The following KRABD5 variants were observed in gnomAD, a reference collection of about 807,000 sequenced individuals.
The protein encoded by KRABD5 is KRAB domain-containing protein 5.
the KRABD5 span, among the ~76,000 whole-genome samples, chr16:31,743,028 G>T: frequency 2.0e-5 from 3 of 152,062 alleles, no homozygotes; most frequent in Admixed American, 1.3e-4. Context: ...TTGTAAATTT[G>T]TTTAAGTTTC....
At chr16:31,754,798 A>C in the KRABD5 span, 1 of 466,974 alleles carries the variant, frequency 2.1e-6, no homozygotes, top group Non-Finnish European at 4.4e-6. Flanking sequence ...AACCTTACAA[A>C]TGTAAAGAAT....
At chr16:31,749,812 G>A in the KRABD5 span, among the ~76,000 whole-genome samples, 1 of 152,174 alleles carries the variant, frequency 6.6e-6, no homozygotes, top group South Asian at 2.1e-4. Context: ...GGTTGCTGGT[G>A]AAAGATTCAC....
chr16:31,716,462 G>A, the KRABD5 span, among the ~76,000 whole-genome samples: 2 of 152,030 alleles, frequency 1.3e-5, no homozygotes, highest in East Asian at 1.9e-4. Context: ...CAGTCTTGAC[G>A]TCCCTGGGCT....
At chr16:31,722,804 A>C in the KRABD5 span, 1 of 1,497,226 alleles carries the variant, frequency 6.7e-7, no homozygotes, top group Admixed American at 2.5e-5. Context: ...TAAGGGTTTT[A>C]TTTCTTTCCT....
the KRABD5 span, chr16:31,754,419 A>G: frequency 1.9e-5 from 12 of 634,678 alleles, no homozygotes; most frequent in Non-Finnish European, 2.8e-5. Flanking sequence ...AGGCAGGACT[A>G]TACCCTAAAT....
At chr16:31,759,513 G>C in the KRABD5 span, 5 of 1,218,884 alleles carry the variant, frequency 4.1e-6, no homozygotes, top group Non-Finnish European at 5.9e-6. Context: ...GTACAGTTAA[G>C]GTTTATGCCT....
the KRABD5 span, among the ~76,000 whole-genome samples, chr16:31,734,858 T>C: frequency 1.3e-5 from 2 of 152,036 alleles, no homozygotes; most frequent in Non-Finnish European, 2.9e-5. Context: ...GGTATTCTCC[T>C]GCCTCAGCCT....
chr16:31,734,133 A>G, the KRABD5 span, among the ~76,000 whole-genome samples: 6 of 151,878 alleles, frequency 4.0e-5, no homozygotes, highest in African/African-American at 9.7e-5. Context: ...AATTATATAT[A>G]TGTGTGTGTG....
chr16:31,718,217 G>C, the KRABD5 span, among the ~76,000 whole-genome samples: 10 of 152,106 alleles, frequency 6.6e-5, no homozygotes, highest in Non-Finnish European at 7.3e-5. Flanking sequence ...GGATGTGTGA[G>C]AGCAGAATTC....
the KRABD5 span, chr16:31,759,427 GA>G: frequency 6.5e-7 from 1 of 1,532,244 alleles, no homozygotes; most frequent in African/African-American, 1.4e-5. Flanking sequence ...AAAGACAAGT[GA>G]ATTTTCTGAG....
the KRABD5 span, among the ~76,000 whole-genome samples, chr16:31,718,533 G>A: frequency 6.6e-6 from 1 of 152,214 alleles, no homozygotes; most frequent in South Asian, 2.1e-4. Context: ...GGCAGAATCT[G>A]TAAGTGTAAA....
chr16:31,750,133 A>T, the KRABD5 span, among the ~76,000 whole-genome samples: 3 of 152,068 alleles, frequency 2.0e-5, no homozygotes. Context: ...TTTGGGCAGT[A>T]TGGCCATTTT....
At chr16:31,731,917 T>G in the KRABD5 span, among the ~76,000 whole-genome samples, 1 of 152,150 alleles carries the variant, frequency 6.6e-6, no homozygotes, top group African/African-American at 2.4e-5. Flanking sequence ...TGGACAGGAT[T>G]TTTTCCAGAC....
At chr16:31,746,998 T>C in the KRABD5 span, among the ~76,000 whole-genome samples, 1 of 151,864 alleles carries the variant, frequency 6.6e-6, no homozygotes, top group African/African-American at 2.4e-5. Context: ...TTTTTTTTAA[T>C]TATTATTATA....
chr16:31,720,964 C>T, the KRABD5 span, among the ~76,000 whole-genome samples: 1 of 152,102 alleles, frequency 6.6e-6, no homozygotes, highest in Admixed American at 6.5e-5. Context: ...TTTTAATTTG[C>T]TAATTTCACA....
the KRABD5 span, among the ~76,000 whole-genome samples, chr16:31,716,042 C>T: frequency 2.0e-5 from 3 of 152,198 alleles, no homozygotes; most frequent in African/African-American, 4.8e-5. Context: ...TAGGCACTGG[C>T]GTCGCCATGC....
At chr16:31,725,178 CCATCTTGGCT>C in the KRABD5 span, among the ~76,000 whole-genome samples, 5,525 of 152,100 alleles carry the variant, frequency 0.036, 274 homozygotes, top group East Asian at 0.11. Context: ...TGCAGTGGCG[CCATCTTGGCT>C]CACTACAACC....
the KRABD5 span, among the ~76,000 whole-genome samples, chr16:31,736,726 A>T: frequency 6.6e-6 from 1 of 151,688 alleles, no homozygotes; most frequent in South Asian, 2.1e-4. Context: ...CACCATGTTG[A>T]CCAGGCTGGT....
chr16:31,713,418 C>T, the KRABD5 span: 1 of 1,605,544 alleles, frequency 6.2e-7, no homozygotes, highest in Non-Finnish European at 8.5e-7. Flanking sequence ...GCCAGGACAT[C>T]CCGGAAGCTG....
Sources: gnomAD v4.1 joint callset for allele counts (sites outside exome capture counted in the v4.1 genomes callset) on GRCh38, gnomAD v4.1.1 for gene constraint, MANE v1.5 for transcripts, NCBI Gene and HGNC (gene_info 2026-07-23, HGNC 2026-07-21) for gene names.